The following SAMD4B variants were observed in gnomAD, a reference collection of about 807,000 sequenced individuals.
The protein encoded by SAMD4B is protein Smaug homolog 2.
A neutral mutation model predicts 74.5 loss-of-function variants in SAMD4B; 5 were observed. That is an observed-to-expected ratio of 0.07 (90% CI 0.04 to 0.14). SAMD4B has a LOEUF of 0.14. Ranked by LOEUF, SAMD4B falls within the 10% of genes least tolerant of loss-of-function variation. The pLI, the probability that SAMD4B is intolerant of heterozygous loss-of-function variation, is 1.00. For missense variants in SAMD4B, 608 were observed against 921.8 expected (o/e 0.66, Z 4.41); for synonymous variants, 373 against 374.9 (o/e 1.00, Z 0.06).
At chr19:39,358,027 T>G (rs570625809) in intron 3 of SAMD4B, among the ~76,000 whole-genome samples, 37 of 152,264 alleles carry the variant, frequency 2.4e-4, no homozygotes, top group Non-Finnish European at 4.9e-4. Context: ...TCCCAGCACT[T>G]TAGGAGGCTG....
Position 39,384,386 on chromosome 19 carries a change from T to TCAGG in SAMD4B, c.*860_*863dup, listed in dbSNP as rs2078178937. On this transcript the variant is annotated 3_prime_UTR_variant, in exon 14 of 14. Coordinates refer to ENST00000610417, the MANE Select transcript of SAMD4B (RefSeq NM_001384574.2). ...TGGGCAGCCAGGGTAGCCAGTGAGG[T>TCAGG]CAGGAAGTCTGTTGCCTTAACGTCC... 6.6e-6 allele frequency: 1 copy of TCAGG among 152,494 alleles called. No individual in the cohort carries two copies. Among genetic ancestry groups the TCAGG allele is most frequent in the Admixed American group, 6.6e-5 (1 of 15,258 alleles). The allele number at this position is 152,494 out of a possible 1,614,324, so 9.4% of individuals were successfully genotyped here.
At chr19:39,361,775 T>G in intron 3 of SAMD4B, among the ~76,000 whole-genome samples, 1 of 151,026 alleles carries the variant, frequency 6.6e-6, no homozygotes, top group Non-Finnish European at 1.5e-5. Context: ...TACAAAAAAA[T>G]TAACCGGACA....
chr19:39,368,278 G>C (rs764808189), intron 3 of SAMD4B, among the ~76,000 whole-genome samples: 7 of 152,188 alleles, frequency 4.6e-5, no homozygotes, highest in Non-Finnish European at 8.8e-5. Context: ...CACACAGTGG[G>C]ATAGAAAGGA....
intron 3 of SAMD4B, among the ~76,000 whole-genome samples, chr19:39,365,083 CA>C (rs201463549): frequency 6.7e-6 from 1 of 148,972 alleles, no homozygotes. Flanking sequence ...ACTAAAAATA[CA>C]AAAAAAAATA....
intron 3 of SAMD4B, among the ~76,000 whole-genome samples, chr19:39,366,233 T>G (rs1176694799): frequency 2.6e-5 from 4 of 152,226 alleles, no homozygotes; most frequent in Non-Finnish European, 4.4e-5. Context: ...GGAGAATCGC[T>G]TGAACCCCAG....
At chr19:39,354,419 C>T (rs1353454435) in intron 2 of SAMD4B, among the ~76,000 whole-genome samples, 1 of 152,120 alleles carries the variant, frequency 6.6e-6, no homozygotes, top group African/African-American at 2.4e-5. Context: ...CCTTTACCAT[C>T]CTATGAGCTG....
chr19:39,375,498 A>G lies in SAMD4B; in HGVS notation c.668-152A>G. ...GGTGTTGGAGGTAAGAGAATGAGGT[A>G]TATCTGGTAGGCAGTTACCCTTGGA... On this transcript the variant is annotated intron_variant, in intron 4 of 13. Transcript: ENST00000610417. The surrounding 1 kb of genome is among the most constrained non-coding windows in gnomAD (Gnocchi z 4.1). 2 of 927,794 alleles carry G rather than the reference A, an allele frequency of 2.2e-6. No individual in the cohort carries two copies. Among genetic ancestry groups the G allele is most frequent in the East Asian group, 2.4e-5 (1 of 40,922 alleles). 57.5% of individuals were successfully genotyped at this position (927,794 alleles called of 1,614,324 possible).
Position 39,385,662 on chromosome 19 carries a change from C to T in SAMD4B, c.*2135C>T, listed in dbSNP as rs2078228561. On this transcript the variant is annotated 3_prime_UTR_variant, in exon 14 of 14. Transcript: ENST00000610417. ...AGTTTCACTTGTTTAATGGTCTGGG[C>T]TTATTTTGGAAAAAAAAAAAACAAA... 1.7e-5 allele frequency: 9 copies of T among 542,934 alleles called. No individual in the cohort carries two copies. In the East Asian group the frequency reaches 2.7e-4, roughly 16 times the overall value. 33.6% of individuals were successfully genotyped at this position (542,934 alleles called of 1,614,324 possible). A position where few individuals can be genotyped will look rare whatever the true frequency, so the allele number is the denominator to read the frequency against.
At chr19:39,382,923 G>A (rs1038070631) in intron 12 of SAMD4B, among the ~76,000 whole-genome samples, 11 of 151,866 alleles carry the variant, frequency 7.2e-5, no homozygotes, top group Non-Finnish European at 1.5e-4. Flanking sequence ...TGTGTCCAGA[G>A]TAGTCACAGC....
At chr19:39,361,856 A>G (rs991680684) in intron 3 of SAMD4B, among the ~76,000 whole-genome samples, 2 of 151,544 alleles carry the variant, frequency 1.3e-5, no homozygotes, top group African/African-American at 4.9e-5. Context: ...CCCAGGAGGC[A>G]CAGGAGCTTG....
intron 4 of SAMD4B, among the ~76,000 whole-genome samples, chr19:39,374,974 A>G (rs922369726): frequency 6.6e-6 from 1 of 152,218 alleles, no homozygotes. Flanking sequence ...CAGTGACTTC[A>G]GATTAAGGGT....
At chr19:39,348,550 T>C (rs189096257) in intron 1 of SAMD4B, among the ~76,000 whole-genome samples, 1 of 151,870 alleles carries the variant, frequency 6.6e-6, no homozygotes, top group African/African-American at 2.4e-5. Context: ...GGGGTGAGGG[T>C]TGGAAAGGCT....
At chr19:39,390,093 A>G (rs1224550943), downstream of SAMD4B, 1 of 1,613,742 alleles carries the variant, frequency 6.2e-7, no homozygotes, top group East Asian at 2.2e-5. Context: ...GGGGTAGGTG[A>G]TGAACTTGGG....
Position 39,375,954 on chromosome 19 carries a change from A to G in SAMD4B, c.907+65A>G, listed in dbSNP as rs1017482792. 3 of 1,564,974 alleles carry G rather than the reference A, an allele frequency of 1.9e-6. No individual in the cohort carries two copies. Among genetic ancestry groups the G allele is most frequent in the Non-Finnish European group, 2.6e-6 (3 of 1,158,868 alleles). On this transcript the variant is annotated intron_variant, in intron 5 of 13. Coordinates refer to ENST00000610417, the MANE Select transcript of SAMD4B (RefSeq NM_001384574.2). The surrounding 1 kb of genome is among the most constrained non-coding windows in gnomAD (Gnocchi z 4.1). ...GCTTCTGCAGAGCTTAGAGGACAGA[A>G]AGGAGCTTGTAGCTGACACCTGCTT...
rs375026433 is a variant in SAMD4B at position 39,376,776 on chromosome 19, C to T, written c.1089C>T (p.Leu363=). 1.2e-6 allele frequency: 2 copies of T among 1,614,066 alleles called. No homozygotes were observed. Among genetic ancestry groups the T allele is most frequent in the African/African-American group, 1.3e-5 (1 of 74,940 alleles). The change falls in exon 7 of 14, where the codon CTC becomes CTT. Residue 363 remains leucine (L), a synonymous_variant. Transcript: ENST00000610417. Reference sequence around the variant, plus strand: ...AGCTGCGTGAGAGACAGAGCGTCCTCAAGTCCCTAGAGAAGGTGAGGACCT... The same window carrying T: ...AGCTGCGTGAGAGACAGAGCGTCCTTAAGTCCCTAGAGAAGGTGAGGACCT... ...IQKLRERQSV[L]KSLEKDVLEG...
chr19:39,382,085 TAG>T (rs72015522), intron 12 of SAMD4B, among the ~76,000 whole-genome samples: 5,935 of 152,216 alleles, frequency 0.039, 330 homozygotes, highest in African/African-American at 0.13. Flanking sequence ...GGGCTGACTC[TAG>T]AGAGAGCATG....
chr19:39,355,153 G>C (rs938819329), intron 2 of SAMD4B, among the ~76,000 whole-genome samples: 3 of 152,204 alleles, frequency 2.0e-5, no homozygotes, highest in African/African-American at 7.2e-5. Flanking sequence ...GATTACAGGT[G>C]AGAGCCACCA....
At chr19:39,364,074 C>T (rs973338432) in intron 3 of SAMD4B, among the ~76,000 whole-genome samples, 8 of 152,238 alleles carry the variant, frequency 5.3e-5, no homozygotes, top group Admixed American at 3.3e-4. Flanking sequence ...CATGAACACA[C>T]ATTTCCCCAG....
rs1172427445 is a variant in SAMD4B, at chr19:39,376,021, C to G, written c.907+132C>G. 8 of 1,234,680 alleles carry G rather than the reference C, an allele frequency of 6.5e-6. No individual in the cohort carries two copies. The South Asian group carries it at 1.1e-4, about 16-fold the overall frequency. 76.5% of individuals were successfully genotyped at this position (1,234,680 alleles called of 1,614,324 possible). A position where few individuals can be genotyped will look rare whatever the true frequency, so the allele number is the denominator to read the frequency against. ...GACATGTCTGAGGGGAGTAGATAGT[C>G]CCTGCTTTTAGGGCTCAGGACTAAG... is the stretch of plus-strand genomic sequence containing the variant. On this transcript the variant is annotated intron_variant, in intron 5 of 13. Transcript: ENST00000610417.
Sources: gnomAD v4.1 joint callset for allele counts (sites outside exome capture counted in the v4.1 genomes callset) on GRCh38, gnomAD v4.1.1 for gene constraint, Gnocchi (gnomAD v3.1) non-coding constraint, MANE v1.5 for transcripts, NCBI Gene and HGNC (gene_info 2026-07-23, HGNC 2026-07-21) for gene names.